The following BANK1 variants were observed in gnomAD, a reference collection of about 807,000 sequenced individuals.
BANK1 encodes B-cell scaffold protein with ankyrin repeats.
A neutral mutation model predicts 94.5 loss-of-function variants in BANK1; 95 were observed. That is an observed-to-expected ratio of 1.00 (90% CI 0.85 to 1.19). The LOEUF (loss-of-function observed/expected upper bound fraction) is 1.19, where lower values mean the gene tolerates loss of function less well. Among genes scored for constraint, BANK1 ranks in the 50% most tolerant of loss-of-function variants. The pLI is 0.00. For synonymous variants in BANK1, 334 were observed against 308.4 expected, an observed-to-expected ratio of 1.08 and a Z score of -0.87; for missense variants, 987 against 932.2, an observed-to-expected ratio of 1.06 and a Z score of -0.77.
At chr4:101,820,341 C>G (rs746749159) in intron 1 of BANK1, among the ~76,000 whole-genome samples, 2 of 152,214 alleles carry the variant, frequency 1.3e-5, no homozygotes, top group Admixed American at 6.5e-5. Flanking sequence ...TTTCTCCCTT[C>G]CCTTGTGGGA....
intron 1 of BANK1, among the ~76,000 whole-genome samples, chr4:101,817,901 ATTC>A (rs1184901386): frequency 1.3e-5 from 2 of 151,798 alleles, no homozygotes; most frequent in African/African-American, 2.4e-5. Flanking sequence ...GCCCGAGACA[ATTC>A]TTCTTCCAAT....
intron 5 of BANK1, among the ~76,000 whole-genome samples, chr4:101,874,589 C>T (rs1468699598): frequency 6.6e-6 from 1 of 152,206 alleles, no homozygotes; most frequent in Non-Finnish European, 1.5e-5. Flanking sequence ...TTGCTACAAA[C>T]TTTCAGTGGC....
rs55966457 is a variant in BANK1, at chr4:102,005,143, G to C, written c.1207-16371G>C. Among the ~76,000 whole-genome samples the C allele has an allele frequency of 2.3e-3, 345 of 152,112 alleles. 1 individual carries two copies. The highest frequency in any genetic ancestry group is 7.4e-3 in the African/African-American group (307 of 41,544). ...TAAATGCTAAAATAGATGTTCAATGGTCTCTGGGGAAAAGAAAACTTCTCT... is the reference window on the plus strand; with the variant it reads ...TAAATGCTAAAATAGATGTTCAATGCTCTCTGGGGAAAAGAAAACTTCTCT... On this transcript the variant is annotated intron_variant, in intron 7 of 16. Coordinates refer to ENST00000322953, the MANE Select transcript of BANK1 (RefSeq NM_017935.5).
At chr4:102,022,855 A>T (rs951517798) in intron 8 of BANK1, among the ~76,000 whole-genome samples, 1 of 152,072 alleles carries the variant, frequency 6.6e-6, no homozygotes, top group African/African-American at 2.4e-5. Flanking sequence ...CTCATTCACA[A>T]ACCAATAATG....
chr4:102,074,331 A>G lies in BANK1; in HGVS notation c.*332A>G, dbSNP rs1728853912. ...AGAGAAGTTAAATGCGGTGTAGCAA[A>G]GTTATGGGGTCTGCTTGAGGGCACT... is the stretch of plus-strand genomic sequence containing the variant. On this transcript the variant is annotated 3_prime_UTR_variant, in exon 17 of 17. Transcript: ENST00000322953. The G allele has an allele frequency of 6.6e-6, 1 of 152,098 alleles. No homozygotes were observed. Among genetic ancestry groups the G allele is most frequent in the South Asian group, 2.1e-4 (1 of 4,830 alleles). The allele number at this position is 152,098 out of a possible 1,614,324, so 9.4% of individuals were successfully genotyped here.
intron 3 of BANK1, among the ~76,000 whole-genome samples, chr4:101,859,339 A>G (rs1386080053): frequency 6.6e-6 from 1 of 152,194 alleles, no homozygotes; most frequent in African/African-American, 2.4e-5. Flanking sequence ...GGGAGTTTTC[A>G]TACACACAAA....
chr4:102,010,146 TC>T (rs1412821719), intron 7 of BANK1, among the ~76,000 whole-genome samples: 24 of 151,744 alleles, frequency 1.6e-4, no homozygotes, highest in African/African-American at 5.8e-4. Flanking sequence ...GCGCCTGTAG[TC>T]CCAGCTACTC....
intron 7 of BANK1, among the ~76,000 whole-genome samples, chr4:101,979,267 T>G (rs1454597459): frequency 6.6e-6 from 1 of 152,004 alleles, no homozygotes; most frequent in Non-Finnish European, 1.5e-5. Context: ...AGACTGCCTC[T>G]GGTAGTGTTT....
chr4:101,945,394 T>C (rs962211090), intron 7 of BANK1, among the ~76,000 whole-genome samples: 14 of 151,998 alleles, frequency 9.2e-5, no homozygotes, highest in African/African-American at 3.4e-4. Flanking sequence ...CCAGGAAATA[T>C]GCTATTCACC....
intron 7 of BANK1, among the ~76,000 whole-genome samples, chr4:101,983,722 A>G (rs1296986547): frequency 6.6e-6 from 1 of 152,092 alleles, no homozygotes; most frequent in Non-Finnish European, 1.5e-5. Flanking sequence ...AGAAGGGAGA[A>G]AAGATGTTCC....
At chr4:101,799,599 G>T (rs1341526009) in intron 1 of BANK1, among the ~76,000 whole-genome samples, 1 of 152,202 alleles carries the variant, frequency 6.6e-6, no homozygotes, top group Non-Finnish European at 1.5e-5. Context: ...TGGTGGCCGG[G>T]CCTGGTGGCT....
At chr4:101,897,236 T>C (rs1217497167) in intron 6 of BANK1, among the ~76,000 whole-genome samples, 1 of 151,990 alleles carries the variant, frequency 6.6e-6, no homozygotes, top group East Asian at 1.9e-4. Flanking sequence ...AGAAAGTGCA[T>C]ACAATGGTGT....
intron 11 of BANK1, among the ~76,000 whole-genome samples, chr4:102,051,876 T>TGTTA (rs1459155382): frequency 6.6e-6 from 1 of 152,116 alleles, no homozygotes; most frequent in Non-Finnish European, 1.5e-5. Flanking sequence ...TCAAGAAGTC[T>TGTTA]GTTAGAAATT....
chr4:102,011,066 A>G (rs1473920652), intron 7 of BANK1, among the ~76,000 whole-genome samples: 1 of 152,226 alleles, frequency 6.6e-6, no homozygotes, highest in Admixed American at 6.5e-5. Flanking sequence ...ATTTAAAGCA[A>G]TTGTTTTAAA....
chr4:101,815,808 A>T (rs1725892975), intron 1 of BANK1, among the ~76,000 whole-genome samples: 1 of 152,064 alleles, frequency 6.6e-6, no homozygotes, highest in African/African-American at 2.4e-5. Context: ...AGTCAAGAAT[A>T]TTAAGGTATA....
chr4:101,973,056 G>T (rs969230559), intron 7 of BANK1, among the ~76,000 whole-genome samples: 13 of 146,840 alleles, frequency 8.9e-5, no homozygotes, highest in Non-Finnish European at 1.7e-4. Flanking sequence ...ATCTGTGGTG[G>T]TTTTTTTTTT....
rs569161874 is a variant in BANK1, at chr4:101,882,510, C to G, written c.903+11866C>G. ...AGGAAATATTTGCTATTCAAAAAGG[C>G]CTGAGATAGTACCACTCTTTCAAAA... On this transcript the variant is annotated intron_variant, in intron 5 of 16. Coordinates refer to ENST00000322953, the MANE Select transcript of BANK1 (RefSeq NM_017935.5). 2.6e-4 allele frequency among the ~76,000 whole-genome samples: 39 copies of G among 152,242 alleles called. 1 individual carries two copies. Among genetic ancestry groups the G allele is most frequent in the Admixed American group, 1.2e-3 (19 of 15,290 alleles).
intron 1 of BANK1, among the ~76,000 whole-genome samples, chr4:101,792,469 GTTTT>G (rs5860691): frequency 3.1e-5 from 3 of 97,602 alleles, no homozygotes; most frequent in African/African-American, 6.8e-5. Context: ...GTGTGTGTGT[GTTTT>G]TTTTTTTTTA....
intron 7 of BANK1, among the ~76,000 whole-genome samples, chr4:102,014,193 G>A (rs560866971): frequency 5.9e-5 from 9 of 152,152 alleles, no homozygotes; most frequent in Admixed American, 1.3e-4. Flanking sequence ...ATTGAGATAC[G>A]TCTAATACTC....
Sources: allele counts gnomAD v4.1 joint callset (sites outside exome capture counted in the v4.1 genomes callset), GRCh38; gene constraint gnomAD v4.1.1; transcripts MANE v1.5; gene names NCBI Gene and HGNC (gene_info 2026-07-23, HGNC 2026-07-21).